DOCK5: variants seen among roughly 807,000 people sequenced by gnomAD.
DOCK5 encodes the protein dedicator of cytokinesis 5.
In DOCK5, 142 loss-of-function variants were observed where a neutral mutation model predicts 251.8. The observed-to-expected ratio is 0.56, with a 90% CI of 0.49 to 0.65. The LOEUF is 0.65. DOCK5 is among the 30% of genes least tolerant of loss of function. The probability of loss-of-function intolerance (pLI) is 0.00; values close to 1 mark genes in which losing one functional copy is unlikely to be tolerated. For missense variants in DOCK5, 2,111 were observed against 2,312.3 expected, an observed-to-expected ratio of 0.91 and a Z score of 1.79; for synonymous variants, 842 against 835.5, an observed-to-expected ratio of 1.01 and a Z score of -0.13.
chr8:25,225,018 G>A lies in DOCK5; in HGVS notation c.44-18656G>A, dbSNP rs563213248. Among the ~76,000 whole-genome samples the A allele has an allele frequency of 7.7e-4, 117 of 152,278 alleles. 1 individual carries two copies. The highest frequency in any genetic ancestry group is 2.4e-3 in the African/African-American group (99 of 41,558). On this transcript the variant is annotated intron_variant, in intron 1 of 51. Coordinates refer to ENST00000276440, the MANE Select transcript of DOCK5 (RefSeq NM_024940.8). Reference sequence around the variant, plus strand: ...CAGCACCACTAAGCAGTATGGAAACGCACAACAAAACCACAATGAAATATC... The same window carrying A: ...CAGCACCACTAAGCAGTATGGAAACACACAACAAAACCACAATGAAATATC...
intron 4 of DOCK5, 47 bp downstream of exon 4, chr8:25,275,488 CATT>C (rs1365535081): frequency 1.3e-6 from 2 of 1,524,872 alleles, no homozygotes; most frequent in Non-Finnish European, 1.8e-6. Context: ...GAAGATGTAA[CATT>C]ATCATTAATG....
intron 42 of DOCK5, 38 bp from the exon 43 acceptor site, chr8:25,391,858 A>G (rs377110860): frequency 6.3e-7 from 1 of 1,597,318 alleles, no homozygotes; most frequent in Non-Finnish European, 8.6e-7. Context: ...TGGTTGTTCT[A>G]AGAGAGAAAA....
At chr8:25,218,617 A>T (rs569488644) in intron 1 of DOCK5, among the ~76,000 whole-genome samples, 3 of 152,210 alleles carry the variant, frequency 2.0e-5, no homozygotes, top group African/African-American at 7.2e-5. Flanking sequence ...GTTCAGCTGT[A>T]TGCTGGGGGC....
chr8:25,402,119 C>A (rs1292575363), intron 47 of DOCK5, among the ~76,000 whole-genome samples: 1 of 151,862 alleles, frequency 6.6e-6, no homozygotes, highest in African/African-American at 2.4e-5. Flanking sequence ...TGGTCTTATT[C>A]TTTTTGTTTT....
intron 13 of DOCK5, among the ~76,000 whole-genome samples, chr8:25,313,940 C>T (rs1056861629): frequency 5.6e-5 from 3 of 53,592 alleles, no homozygotes; most frequent in Non-Finnish European, 9.0e-5. Flanking sequence ...ACAGTTCTGC[C>T]CAGAACAGCC....
intron 2 of DOCK5, among the ~76,000 whole-genome samples, chr8:25,257,800 C>T (rs1276063529): frequency 1.3e-5 from 2 of 152,126 alleles, no homozygotes; most frequent in Non-Finnish European, 2.9e-5. Flanking sequence ...ATTCGTCTTT[C>T]GAAGTCATGC....
At chr8:25,356,186 G>A (rs570547110) in intron 27 of DOCK5, among the ~76,000 whole-genome samples, 36 of 152,174 alleles carry the variant, frequency 2.4e-4, no homozygotes, top group East Asian at 1.6e-3. Context: ...GTGACAGAGC[G>A]AGACTCCGTC....
At chr8:25,302,565 C>A in intron 10 of DOCK5, 111 bp downstream of exon 10, 1 of 1,345,164 alleles carries the variant, frequency 7.4e-7, no homozygotes, top group South Asian at 1.6e-5. Context: ...AGCTGCCCTG[C>A]TTCAAAACAA....
At chr8:25,242,151 A>G (rs1449416305) in intron 1 of DOCK5, among the ~76,000 whole-genome samples, 1 of 152,122 alleles carries the variant, frequency 6.6e-6, no homozygotes, top group Non-Finnish European at 1.5e-5. Context: ...TTAAAGAATA[A>G]TTAAAAAAAA....
intron 2 of DOCK5, among the ~76,000 whole-genome samples, chr8:25,255,137 C>T (rs1803386786): frequency 6.6e-6 from 1 of 152,186 alleles, no homozygotes; most frequent in African/African-American, 2.4e-5. Flanking sequence ...CTTTGGGAGA[C>T]AGTTTGTTAG....
At chr8:25,337,706 C>T (rs1805851179) in intron 22 of DOCK5, among the ~76,000 whole-genome samples, 1 of 151,692 alleles carries the variant, frequency 6.6e-6, no homozygotes, top group South Asian at 2.1e-4. Flanking sequence ...GTGCCTCAGC[C>T]TCCCGAGTAG....
chr8:25,185,787 G>A (rs62503180), intron 1 of DOCK5, among the ~76,000 whole-genome samples: 3 of 152,198 alleles, frequency 2.0e-5, no homozygotes, highest in Non-Finnish European at 2.9e-5. Flanking sequence ...CTTTGGCTCC[G>A]AAACAATAGA....
At chr8:25,307,200 A>G (rs1022944144) in intron 11 of DOCK5, among the ~76,000 whole-genome samples, 12 of 152,028 alleles carry the variant, frequency 7.9e-5, no homozygotes, top group African/African-American at 2.4e-4. Flanking sequence ...GCTCACTGCA[A>G]CCTCACCTCC....
rs1563309031 is a variant in DOCK5 at position 25,210,011 on chromosome 8, TA to T, written c.43+25061del. ...ACATGCCACCATCCCCGGCTAATTA[TA>T]TATATATATATATATATATATAAAT... On this transcript the variant is annotated intron_variant, in intron 1 of 51. Transcript: ENST00000276440. Among the ~76,000 whole-genome samples the T allele has an allele frequency of 3.3e-4, 9 of 27,502 alleles. 4 individuals carry two copies. The highest frequency in any genetic ancestry group is 6.9e-4 in the African/African-American group (9 of 13,098). 18.0% of individuals were successfully genotyped at this position (27,502 alleles called of 152,430 possible).
intron 37 of DOCK5, chr8:25,376,051 A>C: frequency 1.0e-6 from 1 of 957,432 alleles, no homozygotes; most frequent in Non-Finnish European, 1.2e-6. Flanking sequence ...GTATGCTGAG[A>C]TGGTGCCACC....
chr8:25,395,796 T>C (rs758100871), intron 45 of DOCK5, 77 bp downstream of exon 45: 16 of 1,471,900 alleles, frequency 1.1e-5, no homozygotes, highest in Non-Finnish European at 1.5e-5. Context: ...CATTTGCCAC[T>C]GACAAATTCA....
chr8:25,389,572 GCTAAGACTTT>G (rs1254874245), intron 41 of DOCK5, among the ~76,000 whole-genome samples: 1 of 152,218 alleles, frequency 6.6e-6, no homozygotes, highest in Non-Finnish European at 1.5e-5. Context: ...GGGTTGGGGA[GCTAAGACTTT>G]CTAAGACTTG....
At chr8:25,306,227 A>G (rs1286649119) in intron 11 of DOCK5, among the ~76,000 whole-genome samples, 1 of 152,166 alleles carries the variant, frequency 6.6e-6, no homozygotes, top group Non-Finnish European at 1.5e-5. Context: ...GCTACCACCT[A>G]TATATTGACC....
intron 10 of DOCK5, 120 bp from the exon 11 acceptor site, chr8:25,304,135 T>A: frequency 1.2e-6 from 1 of 816,744 alleles, no homozygotes. Context: ...TTTAAAAAAG[T>A]CCCTGCTTAG....
Sources: gnomAD v4.1 joint callset for allele counts (sites outside exome capture counted in the v4.1 genomes callset) on GRCh38, gnomAD v4.1.1 for gene constraint, MANE v1.5 for transcripts, NCBI Gene and HGNC (gene_info 2026-07-23, HGNC 2026-07-21) for gene names.